Variants in AK7 observed in about 807,000 individuals in gnomAD.
AK7 encodes the protein ATP-AMP transphosphorylase 7.
Under a neutral mutation model 96.6 loss-of-function variants are expected in AK7, and 78 were observed. That is an observed-to-expected ratio of 0.81 (90% CI 0.67 to 0.97). AK7 has a LOEUF of 0.97. AK7 is among the 50% of genes least tolerant of loss of function. AK7 has a pLI of 0.00. For missense variants in AK7, 855 were observed against 887.9 expected, an observed-to-expected ratio of 0.96 and a Z score of 0.47; for synonymous variants, 302 against 317.2, an observed-to-expected ratio of 0.95 and a Z score of 0.51.
chr14:96,439,632 C>G (rs899057761), intron 6 of AK7, among the ~76,000 whole-genome samples: 72 of 148,406 alleles, frequency 4.9e-4, no homozygotes, highest in Non-Finnish European at 8.1e-4. Flanking sequence ...CCACTGCACT[C>G]CAGCCTGGGT....
chr14:96,435,057 A>T (rs1021803655), intron 5 of AK7, among the ~76,000 whole-genome samples: 2 of 152,140 alleles, frequency 1.3e-5, no homozygotes, highest in South Asian at 2.1e-4. Flanking sequence ...GAGTCAAGTC[A>T]TGGCAGGGAC....
chr14:96,421,564 A>G (rs1891693141), intron 5 of AK7: 1 of 150,898 alleles, frequency 6.6e-6, no homozygotes, highest in Non-Finnish European at 1.5e-5. Flanking sequence ...ATTTATCTTG[A>G]CACATCCTTG....
intron 2 of AK7, among the ~76,000 whole-genome samples, chr14:96,403,690 A>C (rs1421638477): frequency 6.6e-6 from 1 of 152,212 alleles, no homozygotes; most frequent in Non-Finnish European, 1.5e-5. Flanking sequence ...TGGTCAAGGA[A>C]CTGCGGAAAA....
At chr14:96,442,992 A>G (rs1595419903) in intron 7 of AK7, among the ~76,000 whole-genome samples, 174 bp downstream of exon 7, 1 of 152,216 alleles carries the variant, frequency 6.6e-6, no homozygotes, top group Middle Eastern at 3.2e-3. Flanking sequence ...CATCTAATGA[A>G]ATAGTGCCCA....
At chr14:96,454,251 G>A (rs1333301393) in intron 10 of AK7, among the ~76,000 whole-genome samples, 1 of 152,138 alleles carries the variant, frequency 6.6e-6, no homozygotes, top group Non-Finnish European at 1.5e-5. Flanking sequence ...TCCTTTTCAT[G>A]AGCGCAATTC....
chr14:96,397,102 A>C (rs1395027918), intron 1 of AK7, among the ~76,000 whole-genome samples: 1 of 152,206 alleles, frequency 6.6e-6, no homozygotes, highest in Non-Finnish European at 1.5e-5. Flanking sequence ...GTCTCAAAAA[A>C]AGAAATGTCG....
rs985029530 is a variant in AK7, at chr14:96,409,246, A to AT, written c.498+310dup. Among the ~76,000 whole-genome samples the AT allele has an allele frequency of 3.1e-4, 47 of 152,148 alleles. 1 individual carries two copies. Among genetic ancestry groups the AT allele is most frequent in the African/African-American group, 1.0e-3 (43 of 41,428 alleles). ...CTCTTTTAGACTTACTTAGACCCAT[A>AT]TTTTTGTCACGTAAATTCTTGTGCA... On this transcript the variant is annotated intron_variant, in intron 4 of 17. Coordinates refer to ENST00000267584, the MANE Select transcript of AK7 (RefSeq NM_152327.5).
Position 96,488,349 on chromosome 14 carries a change from G to A in AK7, c.*6G>A. ...ACAATCCTGAAGCACAGTGAAACTTGAAAGATCTGGTATTATCTACCTTTA... is the reference window on the plus strand; with the variant it reads ...ACAATCCTGAAGCACAGTGAAACTTAAAAGATCTGGTATTATCTACCTTTA... On this transcript the variant is annotated 3_prime_UTR_variant, in exon 18 of 18. Coordinates refer to ENST00000267584, the MANE Select transcript of AK7 (RefSeq NM_152327.5). 6.2e-7 allele frequency: 1 copy of A among 1,610,766 alleles called. No homozygotes were observed. Among genetic ancestry groups the A allele is most frequent in the South Asian group, 1.1e-5 (1 of 90,814 alleles).
intron 3 of AK7, among the ~76,000 whole-genome samples, chr14:96,408,640 A>G (rs1277518199): frequency 1.3e-5 from 2 of 152,214 alleles, no homozygotes; most frequent in Non-Finnish European, 2.9e-5. Context: ...CTTGGTTGTG[A>G]ACAACCTGCT....
chr14:96,478,103 T>A (rs1895284158), intron 14 of AK7, among the ~76,000 whole-genome samples: 2 of 151,430 alleles, frequency 1.3e-5, no homozygotes, highest in Non-Finnish European at 2.9e-5. Flanking sequence ...TATCACAGGG[T>A]TATCTGAGAT....
intron 14 of AK7, among the ~76,000 whole-genome samples, chr14:96,475,450 G>T (rs533194752): frequency 3.5e-4 from 53 of 152,276 alleles, no homozygotes; most frequent in Admixed American, 2.5e-3. Context: ...ACAGTGAACC[G>T]TTCGGGACTG....
Position 96,442,718 on chromosome 14 carries a change from T to C in AK7, c.691-12T>C, listed in dbSNP as rs765049636. On this transcript the variant is annotated splice_polypyrimidine_tract_variant and intron_variant, in intron 6 of 17. Transcript: ENST00000267584. Reference sequence around the variant, plus strand: ...TAACTGGGGGACATGATTTTGCTTTTCTTCCTTTCAGATGGCTTGGTTGGG... The same window carrying C: ...TAACTGGGGGACATGATTTTGCTTTCCTTCCTTTCAGATGGCTTGGTTGGG... 7 of 1,612,942 alleles carry C rather than the reference T, an allele frequency of 4.3e-6. No individual in the cohort carries two copies. Among genetic ancestry groups the C allele is most frequent in the Non-Finnish European group, 5.9e-6 (7 of 1,178,870 alleles).
At chr14:96,397,400 C>T (rs1454200457) in intron 1 of AK7, among the ~76,000 whole-genome samples, 4 of 152,006 alleles carry the variant, frequency 2.6e-5, no homozygotes, top group Admixed American at 2.6e-4. Flanking sequence ...AGGTGTGCAC[C>T]GCCATGCCCA....
chr14:96,483,254 T>C (rs780215933), intron 16 of AK7, 35 bp downstream of exon 16: 3 of 1,559,176 alleles, frequency 1.9e-6, no homozygotes, highest in Non-Finnish European at 2.6e-6. Flanking sequence ...TCTGTGTATC[T>C]GTGGAACAGG....
At chr14:96,421,980 A>G (rs941279379) in intron 5 of AK7, among the ~76,000 whole-genome samples, 4 of 152,154 alleles carry the variant, frequency 2.6e-5, no homozygotes, top group African/African-American at 9.7e-5. Flanking sequence ...TCCCAGGCGG[A>G]TTGGCAGGTT....
chr14:96,488,806 T>C lies in AK7; in HGVS notation c.*463T>C, dbSNP rs1003146401. The C allele has an allele frequency of 2.0e-5, 3 of 149,748 alleles. No individual in the cohort carries two copies. Among genetic ancestry groups the C allele is most frequent in the African/African-American group, 7.4e-5 (3 of 40,674 alleles). 9.3% of individuals were successfully genotyped at this position (149,748 alleles called of 1,614,324 possible). A position where few individuals can be genotyped will look rare whatever the true frequency, so the allele number is the denominator to read the frequency against. On this transcript the variant is annotated 3_prime_UTR_variant, in exon 18 of 18. Transcript: ENST00000267584. ...TTGACTCACAGTAAATCAGACAAGA[T>C]TGGTGCCTGTAAGGTGGCTTTTTTT... is the stretch of plus-strand genomic sequence containing the variant.
intron 14 of AK7, among the ~76,000 whole-genome samples, chr14:96,477,791 G>A (rs1895267132): frequency 6.6e-6 from 1 of 152,158 alleles, no homozygotes; most frequent in Non-Finnish European, 1.5e-5. Context: ...AAATTCCAAG[G>A]GGAGTTCCCA....
At chr14:96,484,628 G>T (rs1038372904) in intron 16 of AK7, among the ~76,000 whole-genome samples, 1 of 152,174 alleles carries the variant, frequency 6.6e-6, no homozygotes, top group South Asian at 2.1e-4. Flanking sequence ...ATCTTTACCA[G>T]AAGTTGTCTT....
intron 12 of AK7, among the ~76,000 whole-genome samples, chr14:96,470,151 C>T (rs932146219): frequency 6.6e-6 from 1 of 150,450 alleles, no homozygotes; most frequent in Non-Finnish European, 1.5e-5. Flanking sequence ...AGTTTATTGT[C>T]ATTGATAGAG....
Sources: gnomAD v4.1 joint callset for allele counts (sites outside exome capture counted in the v4.1 genomes callset) on GRCh38, gnomAD v4.1.1 for gene constraint, MANE v1.5 for transcripts, NCBI Gene and HGNC (gene_info 2026-07-23, HGNC 2026-07-21) for gene names.